Variants in RSU1 observed in about 807,000 individuals in gnomAD.
RSU1 encodes rsu-1.
Under a neutral mutation model 31.1 loss-of-function variants are expected in RSU1, and 26 were observed. The observed-to-expected ratio is 0.84, with a 90% CI of 0.61 to 1.16. The LOEUF is 1.16. Ranked by LOEUF, RSU1 falls within the 50% of genes most tolerant of loss-of-function variation. RSU1 has a pLI of 0.00. For missense variants in RSU1, 320 were observed against 339.1 expected (o/e 0.94, Z 0.44); for synonymous variants, 164 against 136.3 (o/e 1.20, Z -1.41).
chr10:16,743,132 T>A (rs1462883860), intron 7 of RSU1, among the ~76,000 whole-genome samples: 1 of 152,212 alleles, frequency 6.6e-6, no homozygotes, highest in Non-Finnish European at 1.5e-5. Context: ...AAATTCAAAG[T>A]TGGGTACAAA....
At chr10:16,810,261 A>T (rs747376762) in intron 2 of RSU1, among the ~76,000 whole-genome samples, 2 of 152,182 alleles carry the variant, frequency 1.3e-5, no homozygotes, top group African/African-American at 2.4e-5. Flanking sequence ...AATAGAAATT[A>T]AAAAATTCAA....
intron 8 of RSU1, among the ~76,000 whole-genome samples, chr10:16,638,428 G>A (rs911708004): frequency 6.6e-6 from 1 of 152,098 alleles, no homozygotes; most frequent in African/African-American, 2.4e-5. Flanking sequence ...ACCCCAGTGG[G>A]TTTATGAGTT....
chr10:16,687,647 A>T (rs887706659), intron 8 of RSU1, among the ~76,000 whole-genome samples: 7 of 152,196 alleles, frequency 4.6e-5, no homozygotes, highest in African/African-American at 1.2e-4. Context: ...GGAGGTATCA[A>T]TTTAGCAGGG....
intron 2 of RSU1, among the ~76,000 whole-genome samples, chr10:16,808,152 G>T (rs1476221607): frequency 6.6e-6 from 1 of 151,896 alleles, no homozygotes. Context: ...ACACAGCACA[G>T]TATCACACAG....
intron 8 of RSU1, among the ~76,000 whole-genome samples, chr10:16,623,061 AG>A (rs1298725249): frequency 2.0e-5 from 3 of 152,104 alleles, no homozygotes; most frequent in African/African-American, 7.2e-5. Flanking sequence ...TTTTAGATTC[AG>A]GGGGTCCATG....
chr10:16,639,725 T>G (rs1460571895), intron 8 of RSU1, among the ~76,000 whole-genome samples: 1 of 152,210 alleles, frequency 6.6e-6, no homozygotes, highest in African/African-American at 2.4e-5. Flanking sequence ...TCAAACAACT[T>G]CATTCTGCAT....
chr10:16,618,648 A>C (rs1834020096), intron 8 of RSU1, among the ~76,000 whole-genome samples: 1 of 152,236 alleles, frequency 6.6e-6, no homozygotes, highest in African/African-American at 2.4e-5. Context: ...ATATACACCC[A>C]TAAAAAAGAA....
Position 16,785,499 on chromosome 10 carries a change from T to TATATACATATATATATATAC in RSU1, c.110-3416_110-3415insGTATATATATATATGTATAT, listed in dbSNP as rs1384184897. ...ATATATACATATATACATATATATA[T>TATATACATATATATATATAC]ACACATATATACATATATATATATA... On this transcript the variant is annotated intron_variant, in intron 2 of 8. Transcript: ENST00000345264. 6.6e-3 allele frequency among the ~76,000 whole-genome samples: 813 copies of TATATACATATATATATATAC among 123,064 alleles called. 42 individuals carry two copies. Among genetic ancestry groups the TATATACATATATATATATAC allele is most frequent in the East Asian group, 0.062 (230 of 3,710 alleles). 80.7% of individuals were successfully genotyped at this position (123,064 alleles called of 152,430 possible).
At chr10:16,735,196 G>A (rs1174346004) in intron 7 of RSU1, among the ~76,000 whole-genome samples, 2 of 152,098 alleles carry the variant, frequency 1.3e-5, no homozygotes, top group Non-Finnish European at 2.9e-5. Flanking sequence ...AAGTTAAAAA[G>A]CAATAAAGAC....
At chr10:16,691,824 C>T (rs1835560096) in intron 8 of RSU1, among the ~76,000 whole-genome samples, 1 of 150,666 alleles carries the variant, frequency 6.6e-6, no homozygotes, top group Admixed American at 6.6e-5. Context: ...CTGCAACCTC[C>T]ACCTCTCAGG....
chr10:16,601,867 A>G (rs1833720210), intron 8 of RSU1, among the ~76,000 whole-genome samples: 1 of 152,108 alleles, frequency 6.6e-6, no homozygotes, highest in African/African-American at 2.4e-5. Context: ...TCAGAGTCCT[A>G]TATCTTTCCA....
At chr10:16,769,472 A>T (rs1837379639) in intron 3 of RSU1, among the ~76,000 whole-genome samples, 1 of 152,214 alleles carries the variant, frequency 6.6e-6, no homozygotes, top group South Asian at 2.1e-4. Context: ...CGTTTCCATC[A>T]CCGCAAAATG....
chr10:16,796,286 G>C (rs1283932349), intron 2 of RSU1, among the ~76,000 whole-genome samples: 2 of 152,132 alleles, frequency 1.3e-5, no homozygotes, highest in Non-Finnish European at 2.9e-5. Context: ...CAGTCACCTA[G>C]ATTGACATTG....
rs528558461 is a variant in RSU1 at position 16,685,245 on chromosome 10, G to A, written c.731+9778C>T. On this transcript the variant is annotated intron_variant, in intron 8 of 8. Coordinates refer to ENST00000345264, the MANE Select transcript of RSU1 (RefSeq NM_012425.4). ...AGCCTGGGCAACAGAGCGGGACTCC[G>A]TCTCAAAACCAAACAACACCAAATA... is the stretch of plus-strand genomic sequence containing the variant. Among the ~76,000 whole-genome samples the A allele has an allele frequency of 1.2e-3, 186 of 152,198 alleles. 1 individual carries two copies. In the South Asian group the frequency reaches 0.031, roughly 25 times the overall value.
At chr10:16,764,090 A>G (rs1246315742) in intron 4 of RSU1, among the ~76,000 whole-genome samples, 3 of 152,228 alleles carry the variant, frequency 2.0e-5, no homozygotes, top group African/African-American at 4.8e-5. Flanking sequence ...TGCTATGCAA[A>G]TAAGTCCCTT....
intron 2 of RSU1, among the ~76,000 whole-genome samples, chr10:16,807,996 C>G (rs1838311122): frequency 6.8e-6 from 1 of 147,570 alleles, no homozygotes; most frequent in Non-Finnish European, 1.5e-5. Context: ...GCACTCCAGC[C>G]TGGGTGACAC....
chr10:16,721,604 T>G (rs1224532470), intron 7 of RSU1: 1 of 152,222 alleles, frequency 6.6e-6, no homozygotes, highest in African/African-American at 2.4e-5. Flanking sequence ...TATAAAATGT[T>G]CTTCACAAAT....
chr10:16,740,910 G>A (rs1040000113), intron 7 of RSU1, among the ~76,000 whole-genome samples: 3 of 152,254 alleles, frequency 2.0e-5, no homozygotes, highest in Admixed American at 1.3e-4. Context: ...CAAATTCGGT[G>A]CAATTTCTAC....
chr10:16,716,526 C>G (rs767328827), intron 7 of RSU1, among the ~76,000 whole-genome samples: 2 of 152,102 alleles, frequency 1.3e-5, no homozygotes, highest in African/African-American at 4.8e-5. Context: ...ATATGCCCTC[C>G]TGATCCCTGC....
Sources: allele counts gnomAD v4.1 joint callset (sites outside exome capture counted in the v4.1 genomes callset), GRCh38; gene constraint gnomAD v4.1.1; transcripts MANE v1.5; gene names NCBI Gene and HGNC (gene_info 2026-07-23, HGNC 2026-07-21).